HDHD5: variants seen among roughly 807,000 people sequenced by gnomAD.
HDHD5 encodes haloacid dehalogenase-like hydrolase domain-containing 5.
HDHD5 carries 34 observed loss-of-function variants against 35.5 expected under a neutral mutation model. The observed-to-expected ratio is 0.96, with a 90% CI of 0.73 to 1.28. The LOEUF is 1.28. Ranked by LOEUF, HDHD5 falls within the 50% of genes most tolerant of loss-of-function variation. The pLI is 0.00. For synonymous variants in HDHD5, 248 were observed against 240.6 expected, an observed-to-expected ratio of 1.03 and a Z score of -0.29; for missense variants, 589 against 560.2, an observed-to-expected ratio of 1.05 and a Z score of -0.52.
chr22:17,150,991 A>AT (rs369972902), intron 1 of HDHD5, among the ~76,000 whole-genome samples: 6 of 152,090 alleles, frequency 3.9e-5, no homozygotes, highest in Admixed American at 6.6e-5. Context: ...AGGAATACTG[A>AT]TTTTTTTCCC....
At chr22:17,143,280 G>A (rs2061620253) in intron 4 of HDHD5, 149 bp from the exon 5 acceptor site, 1 of 724,868 alleles carries the variant, frequency 1.4e-6, no homozygotes, top group Non-Finnish European at 2.1e-6. Context: ...GGGAAAGCTG[G>A]AGAGGACTGA....
chr22:17,153,268 G>A (rs2061749150), intron 1 of HDHD5, among the ~76,000 whole-genome samples: 1 of 152,162 alleles, frequency 6.6e-6, no homozygotes, highest in Non-Finnish European at 1.5e-5. Context: ...TCAATATACA[G>A]GCACTAAATT....
At chr22:17,160,656 A>AT (rs1428769655), upstream of HDHD5, among the ~76,000 whole-genome samples, 88 of 149,754 alleles carry the variant, frequency 5.9e-4, no homozygotes, top group African/African-American at 2.0e-3. Context: ...CTTGAAAAAA[A>AT]AAAAAATAAT....
intron 1 of HDHD5, among the ~76,000 whole-genome samples, chr22:17,152,654 C>T (rs1193507656): frequency 1.3e-5 from 2 of 151,998 alleles, no homozygotes; most frequent in East Asian, 1.9e-4. Context: ...TGGAAGGTCT[C>T]GCCTCTCAGA....
chr22:17,143,205 G>C (rs1406323806), intron 4 of HDHD5, 74 bp from the exon 5 acceptor site: 7 of 1,544,914 alleles, frequency 4.5e-6, no homozygotes, highest in Admixed American at 1.9e-5. Flanking sequence ...CCCACCTCCA[G>C]GGTGCTGGGA....
chr22:17,164,440 C>G (rs953617255), intron 1 of HDHD5, among the ~76,000 whole-genome samples: 1 of 152,156 alleles, frequency 6.6e-6, no homozygotes, highest in Non-Finnish European at 1.5e-5. Flanking sequence ...CTCACATAAA[C>G]GAAGTAGTTG....
intron 1 of HDHD5, among the ~76,000 whole-genome samples, chr22:17,155,392 C>T (rs1380072202): frequency 1.3e-5 from 2 of 151,974 alleles, no homozygotes; most frequent in Non-Finnish European, 1.5e-5. Flanking sequence ...ACTACAGACG[C>T]GCGCCAACAC....
rs531454055 is a variant in HDHD5, at chr22:17,140,971, C to A, written c.746+88G>T. On this transcript the variant is annotated intron_variant, in intron 6 of 7. Coordinates refer to ENST00000336737, the MANE Select transcript of HDHD5 (RefSeq NM_033070.3). ...AGTGAGGTCCCGGCACCTGGGGTGT[C>A]AGGACGGATGGGAACTGCCTGCAGG... 318 of 1,281,106 alleles carry A rather than the reference C, an allele frequency of 2.5e-4. 1 individual carries two copies. Among genetic ancestry groups the A allele is most frequent in the Non-Finnish European group, 3.3e-4 (310 of 951,294 alleles). 79.4% of individuals were successfully genotyped at this position (1,281,106 alleles called of 1,614,324 possible).
In HDHD5 at chr22:17,138,153, T is replaced by G; in HGVS notation, c.1140A>C (p.Gly380=). 1 of 1,614,002 alleles carries G rather than the reference T, an allele frequency of 6.2e-7. No individual in the cohort carries two copies. Among genetic ancestry groups the G allele is most frequent in the Non-Finnish European group, 8.5e-7 (1 of 1,179,954 alleles). The change falls in exon 8 of 8, where the codon GGA becomes GGC. Residue 380 remains glycine (G), a synonymous_variant. Coordinates refer to ENST00000336737, the MANE Select transcript of HDHD5 (RefSeq NM_033070.3). ...NPQSTEPVLG[G]GEPPFHGHRD... is the part of the protein sequence containing the mutation. Reference sequence around the variant, plus strand: ...GGTGCCCGTGGAATGGAGGCTCCCCTCCTCCAAGGACAGGCTCCGTGGACT... The same window carrying G: ...GGTGCCCGTGGAATGGAGGCTCCCCGCCTCCAAGGACAGGCTCCGTGGACT...
intron 5 of HDHD5, 189 bp from the exon 6 acceptor site, chr22:17,141,422 G>A: frequency 7.3e-7 from 1 of 1,363,814 alleles, no homozygotes; most frequent in Non-Finnish European, 9.4e-7. Flanking sequence ...AAGGCCCAGG[G>A]CCCAGGAAGG....
upstream of HDHD5, among the ~76,000 whole-genome samples, chr22:17,163,002 T>G (rs1314477470): frequency 6.6e-6 from 1 of 152,240 alleles, no homozygotes; most frequent in Non-Finnish European, 1.5e-5. Context: ...CACATTAAGA[T>G]GTTCTTTCGT....
At chr22:17,151,223 T>A (rs1343594485) in intron 1 of HDHD5, among the ~76,000 whole-genome samples, 1 of 152,270 alleles carries the variant, frequency 6.6e-6, no homozygotes, top group Non-Finnish European at 1.5e-5. Flanking sequence ...CTGCATTTCC[T>A]GGATTTATAA....
At chr22:17,148,786 G>T (rs73381984) in intron 2 of HDHD5, among the ~76,000 whole-genome samples, 2 of 152,160 alleles carry the variant, frequency 1.3e-5, no homozygotes, top group South Asian at 4.1e-4. Flanking sequence ...GACCAGAAAT[G>T]CCACAGATGT....
intron 1 of HDHD5, chr22:17,165,139 C>A: frequency 1.4e-6 from 1 of 736,998 alleles, no homozygotes; most frequent in South Asian, 1.4e-5. Context: ...TCATGTTTCC[C>A]TGAAAATGGG....
chr22:17,161,112 G>C (rs117264120), upstream of HDHD5, among the ~76,000 whole-genome samples: 4 of 150,964 alleles, frequency 2.6e-5, no homozygotes, highest in Admixed American at 1.3e-4. Flanking sequence ...AAATTAGCTC[G>C]TCATGCACCT....
chr22:17,139,475 C>G (rs2061574945), intron 6 of HDHD5, among the ~76,000 whole-genome samples: 1 of 151,378 alleles, frequency 6.6e-6, no homozygotes, highest in Non-Finnish European at 1.5e-5. Flanking sequence ...TTGCAGCGGG[C>G]CAAGATTGCA....
Position 17,138,790 on chromosome 22 carries a change from C to A in HDHD5, c.747-52G>T. On this transcript the variant is annotated intron_variant, in intron 6 of 7. Transcript: ENST00000336737. ...CAGTCTTCCTGATCTCCAGGCTCTT[C>A]TAGAGAACACGACTGCCACTGTCTA... 1.9e-6 allele frequency: 3 copies of A among 1,599,442 alleles called. No individual in the cohort carries two copies. In the East Asian group the frequency reaches 6.7e-5, roughly 36 times the overall value.
At chr22:17,141,384 G>C in intron 5 of HDHD5, 151 bp from the exon 6 acceptor site, 1 of 1,390,972 alleles carries the variant, frequency 7.2e-7, no homozygotes. Flanking sequence ...GCCCAGTAGA[G>C]CCCCTTACCC....
At chr22:17,162,249 A>C (rs2061867927), upstream of HDHD5, among the ~76,000 whole-genome samples, 1 of 152,122 alleles carries the variant, frequency 6.6e-6, no homozygotes, top group Admixed American at 6.5e-5. Context: ...AGGCAAAACC[A>C]CCCAGCTAAG....
Sources: gnomAD v4.1 joint callset for allele counts (sites outside exome capture counted in the v4.1 genomes callset) on GRCh38, gnomAD v4.1.1 for gene constraint, MANE v1.5 for transcripts, NCBI Gene and HGNC (gene_info 2026-07-23, HGNC 2026-07-21) for gene names.